WWOX: variants seen among roughly 807,000 people sequenced by gnomAD.
WWOX encodes WW domain containing oxidoreductase.
A neutral mutation model predicts 46.2 loss-of-function variants in WWOX; 69 were observed. The ratio of observed to expected loss-of-function variants is 1.49; its 90% confidence interval spans 1.23 to 1.82. The LOEUF (loss-of-function observed/expected upper bound fraction) is 1.82, where lower values mean the gene tolerates loss of function less well. Ranked by LOEUF, WWOX falls within the 40% of genes most tolerant of loss-of-function variation. The probability of loss-of-function intolerance (pLI) is 0.00; values close to 1 mark genes in which losing one functional copy is unlikely to be tolerated. For missense variants in WWOX, 919 were observed against 542.6 expected (o/e 1.69, Z -6.89); for synonymous variants, 359 against 202.6 (o/e 1.77, Z -6.56).
At chr16:78,396,742 CCAGA>C (rs1207188492) in intron 6 of WWOX, among the ~76,000 whole-genome samples, 2 of 152,222 alleles carry the variant, frequency 1.3e-5, no homozygotes, top group African/African-American at 2.4e-5. Context: ...CTCTCATCAG[CCAGA>C]CAGTCTCTGC....
At chr16:78,783,332 G>A (rs9932331) in intron 8 of WWOX, among the ~76,000 whole-genome samples, 61,091 of 152,152 alleles carry the variant, frequency 0.4, 13,183 homozygotes, top group Middle Eastern at 0.54. Flanking sequence ...GGCCAGTGGA[G>A]ACAGGCTTGG....
chr16:78,375,298 T>TCAGCCAAA (rs1176389067), intron 5 of WWOX, among the ~76,000 whole-genome samples: 2 of 152,246 alleles, frequency 1.3e-5, no homozygotes, highest in Non-Finnish European at 2.9e-5. Context: ...AGGCCGGCAT[T>TCAGCCAAA]CAGCCAAACA....
At chr16:78,483,482 T>G (rs146898191) in intron 8 of WWOX, among the ~76,000 whole-genome samples, 116 of 150,800 alleles carry the variant, frequency 7.7e-4, no homozygotes, top group African/African-American at 2.7e-3. Flanking sequence ...TAAGTGACAC[T>G]GATCGGTGAA....
chr16:78,878,918 A>AAT, intron 8 of WWOX, among the ~76,000 whole-genome samples: 1 of 151,570 alleles, frequency 6.6e-6, no homozygotes, highest in East Asian at 1.9e-4. Context: ...AAAAAAAAAA[A>AAT]AAGCCTGTCA....
At chr16:78,458,944 C>T (rs185718774) in intron 8 of WWOX, among the ~76,000 whole-genome samples, 7 of 152,274 alleles carry the variant, frequency 4.6e-5, no homozygotes, top group Admixed American at 4.6e-4. Context: ...TGTGTCACCT[C>T]AGCATTTAAT....
At chr16:79,020,631 G>C (rs892671171) in intron 8 of WWOX, among the ~76,000 whole-genome samples, 6 of 152,150 alleles carry the variant, frequency 3.9e-5, no homozygotes, top group Admixed American at 3.3e-4. Flanking sequence ...AGATGGCGAT[G>C]GGGAAGGGGA....
At chr16:78,279,142 A>G (rs886360857) in intron 5 of WWOX, among the ~76,000 whole-genome samples, 1 of 152,172 alleles carries the variant, frequency 6.6e-6, no homozygotes, top group Non-Finnish European at 1.5e-5. Flanking sequence ...TAGAAAAACC[A>G]TGGGGGATTG....
chr16:78,536,421 G>T (rs2043761005), intron 8 of WWOX, among the ~76,000 whole-genome samples: 1 of 151,676 alleles, frequency 6.6e-6, no homozygotes, highest in African/African-American at 2.4e-5. Flanking sequence ...TCCTGTGAGG[G>T]ACTGGCCGAC....
chr16:78,942,182 T>C (rs2045865232), intron 8 of WWOX, among the ~76,000 whole-genome samples: 1 of 152,180 alleles, frequency 6.6e-6, no homozygotes, highest in Admixed American at 6.5e-5. Flanking sequence ...GGGTGCGTCT[T>C]TGTGTGTTCT....
chr16:78,884,653 A>G (rs965415606), intron 8 of WWOX, among the ~76,000 whole-genome samples: 2 of 152,212 alleles, frequency 1.3e-5, no homozygotes. Flanking sequence ...AACTATTCCT[A>G]TTAGAAGTCA....
rs565358965 is a variant in WWOX, at chr16:78,412,729, C to T, written c.606-12141C>T. 2.5e-4 allele frequency among the ~76,000 whole-genome samples: 38 copies of T among 152,232 alleles called. No individual in the cohort carries two copies. In the South Asian group the frequency reaches 4.1e-3, roughly 17 times the overall value. On this transcript the variant is annotated intron_variant, in intron 6 of 8. Coordinates refer to ENST00000566780, the MANE Select transcript of WWOX (RefSeq NM_016373.4). ...GAATTTATTGATTGAGAAGCCACTC[C>T]TCGCCAGGCAGTTTTGAGAGGTTCT...
chr16:79,097,671 G>A (rs746786976), intron 8 of WWOX, among the ~76,000 whole-genome samples: 42 of 152,232 alleles, frequency 2.8e-4, no homozygotes, highest in Non-Finnish European at 3.5e-4. Context: ...AGGGGTGAAC[G>A]CTGTGCAATT....
chr16:79,127,925 T>G (rs79655413), intron 8 of WWOX, among the ~76,000 whole-genome samples: 1,705 of 152,238 alleles, frequency 0.011, 22 homozygotes, highest in Middle Eastern at 0.017. Flanking sequence ...AGGAAATCAG[T>G]ACAACTTGCA....
chr16:78,545,307 G>A (rs2044002298), intron 8 of WWOX, among the ~76,000 whole-genome samples: 2 of 152,136 alleles, frequency 1.3e-5, no homozygotes, highest in African/African-American at 4.8e-5. Context: ...CTGAGGAAAT[G>A]GTTACCTGCA....
At chr16:78,945,696 C>T (rs978317461) in intron 8 of WWOX, among the ~76,000 whole-genome samples, 1 of 151,960 alleles carries the variant, frequency 6.6e-6, no homozygotes, top group African/African-American at 2.4e-5. Flanking sequence ...TGTATGCCCC[C>T]CTTTCTCCCC....
At chr16:78,788,804 C>G (rs765049934) in intron 8 of WWOX, among the ~76,000 whole-genome samples, 4 of 152,164 alleles carry the variant, frequency 2.6e-5, no homozygotes, top group Non-Finnish European at 5.9e-5. Flanking sequence ...CTATTGGTGT[C>G]TGGGGGTATG....
intron 8 of WWOX, among the ~76,000 whole-genome samples, chr16:79,187,348 C>A (rs935883120): frequency 6.6e-6 from 1 of 152,146 alleles, no homozygotes; most frequent in African/African-American, 2.4e-5. Context: ...TGATCAAATA[C>A]CTCCTATGCC....
Position 78,710,480 on chromosome 16 carries a change from A to ATATATATATATATATATATT in WWOX, c.1056+277735_1056+277754dup, listed in dbSNP as rs1330471728. ...ATTAAAGCTAATGGATCTCATATAT[A>ATATATATATATATATATATT]TATATATATATATATATATTTATAT... is the stretch of plus-strand genomic sequence containing the variant. On this transcript the variant is annotated intron_variant, in intron 8 of 8. Transcript: ENST00000566780. Among the ~76,000 whole-genome samples, 5 of 126,890 alleles carry ATATATATATATATATATATT rather than the reference A, an allele frequency of 3.9e-5. 2 individuals are homozygous for ATATATATATATATATATATT. Among genetic ancestry groups the ATATATATATATATATATATT allele is most frequent in the African/African-American group, 1.2e-4 (4 of 32,384 alleles). 83.2% of individuals were successfully genotyped at this position (126,890 alleles called of 152,430 possible).
At chr16:79,024,047 A>G (rs1042350211) in intron 8 of WWOX, among the ~76,000 whole-genome samples, 1 of 152,190 alleles carries the variant, frequency 6.6e-6, no homozygotes, top group African/African-American at 2.4e-5. Flanking sequence ...AGTACCTAGA[A>G]TAGGCACCTC....
Sources: gnomAD v4.1 joint callset for allele counts (sites outside exome capture counted in the v4.1 genomes callset) on GRCh38, gnomAD v4.1.1 for gene constraint, MANE v1.5 for transcripts, NCBI Gene and HGNC (gene_info 2026-07-23, HGNC 2026-07-21) for gene names.